RABGAP1L: variants seen among roughly 807,000 people sequenced by gnomAD.
RABGAP1L encodes RAB GTPase activating protein 1 like.
In RABGAP1L, 63 loss-of-function variants were observed where a neutral mutation model predicts 137.7. That is an observed-to-expected ratio of 0.46 (90% CI 0.37 to 0.56). The LOEUF is 0.56. Ranked by LOEUF, RABGAP1L falls within the 20% of genes least tolerant of loss-of-function variation. The pLI, the probability that RABGAP1L is intolerant of heterozygous loss-of-function variation, is 0.00. For missense variants in RABGAP1L, 1,095 were observed against 1,244.0 expected (o/e 0.88, Z 1.80); for synonymous variants, 431 against 433.7 (o/e 0.99, Z 0.08).
At chr1:174,729,692 T>G (rs1682297867) in intron 17 of RABGAP1L, among the ~76,000 whole-genome samples, 1 of 152,112 alleles carries the variant, frequency 6.6e-6, no homozygotes. Context: ...AAAGAAGACA[T>G]ACAAGCAGCC....
intron 19 of RABGAP1L, among the ~76,000 whole-genome samples, chr1:174,946,112 C>T (rs918648621): frequency 6.6e-6 from 1 of 151,374 alleles, no homozygotes; most frequent in African/African-American, 2.4e-5. Context: ...TTTTTAATCT[C>T]CTACGTTATG....
chr1:174,623,666 AT>A (rs1405788299), intron 13 of RABGAP1L, among the ~76,000 whole-genome samples: 1 of 152,098 alleles, frequency 6.6e-6, no homozygotes. Context: ...TGTTGCCCAG[AT>A]TTTTTGTTGA....
chr1:174,859,608 C>A (rs372190130), intron 19 of RABGAP1L, among the ~76,000 whole-genome samples: 69 of 152,148 alleles, frequency 4.5e-4, no homozygotes, highest in Middle Eastern at 3.4e-3. Context: ...AAACTAACAC[C>A]GAATACTGTG....
chr1:174,239,205 G>T (rs1390355798), intron 4 of RABGAP1L, among the ~76,000 whole-genome samples: 1 of 152,184 alleles, frequency 6.6e-6, no homozygotes, highest in African/African-American at 2.4e-5. Flanking sequence ...ACCTCAGATG[G>T]AAATGCAGAA....
At chr1:174,591,091 C>T (rs1326068336) in intron 13 of RABGAP1L, among the ~76,000 whole-genome samples, 1 of 74,840 alleles carries the variant, frequency 1.3e-5, no homozygotes, top group East Asian at 3.6e-4. Flanking sequence ...TTGCATTTCT[C>T]TCATGGCCAG....
At chr1:174,284,484 A>G (rs1355254648) in intron 10 of RABGAP1L, among the ~76,000 whole-genome samples, 1 of 152,198 alleles carries the variant, frequency 6.6e-6, no homozygotes, top group Non-Finnish European at 1.5e-5. Context: ...ATATTCATTC[A>G]TTCATTGACA....
At chr1:174,255,170 CT>C (rs1673018515) in intron 7 of RABGAP1L, among the ~76,000 whole-genome samples, 1 of 151,842 alleles carries the variant, frequency 6.6e-6, no homozygotes, top group Non-Finnish European at 1.5e-5. Context: ...TAGTTGTCAC[CT>C]TTTTTTCATG....
chr1:174,248,626 A>G (rs1242388873), intron 5 of RABGAP1L, among the ~76,000 whole-genome samples: 2 of 152,170 alleles, frequency 1.3e-5, no homozygotes, highest in Non-Finnish European at 2.9e-5. Context: ...ATGGGTATAA[A>G]TGTGGCATTC....
chr1:174,469,059 T>C (rs753888686), intron 13 of RABGAP1L, among the ~76,000 whole-genome samples: 1 of 152,186 alleles, frequency 6.6e-6, no homozygotes, highest in Non-Finnish European at 1.5e-5. Flanking sequence ...AGAACGTTTA[T>C]ATTTGTGTTA....
intron 1 of RABGAP1L, among the ~76,000 whole-genome samples, chr1:174,162,787 T>G (rs1664599302): frequency 7.2e-6 from 1 of 139,198 alleles, no homozygotes; most frequent in African/African-American, 2.7e-5. Flanking sequence ...GTTTTTTTTT[T>G]TTTTTTTTTT....
intron 11 of RABGAP1L, among the ~76,000 whole-genome samples, chr1:174,306,080 C>T (rs1466802445): frequency 2.0e-5 from 3 of 152,294 alleles, no homozygotes; most frequent in South Asian, 4.1e-4. Context: ...CATGTCCCTA[C>T]AAAGGACATG....
chr1:174,492,650 T>C (rs1201602547), intron 13 of RABGAP1L, among the ~76,000 whole-genome samples: 1 of 152,008 alleles, frequency 6.6e-6, no homozygotes, highest in Non-Finnish European at 1.5e-5. Context: ...GTGCCTGGTC[T>C]ACTTTTAATT....
intron 14 of RABGAP1L, among the ~76,000 whole-genome samples, chr1:174,638,234 A>G (rs1435260780): frequency 1.3e-5 from 2 of 152,244 alleles, no homozygotes; most frequent in Admixed American, 1.3e-4. Context: ...GCTAATTTGT[A>G]AGTTAGGTAA....
At chr1:174,543,957 G>A (rs981094944) in intron 13 of RABGAP1L, among the ~76,000 whole-genome samples, 1 of 152,230 alleles carries the variant, frequency 6.6e-6, no homozygotes, top group Non-Finnish European at 1.5e-5. Context: ...TTTCTGCCGA[G>A]AGATCCGCTG....
intron 12 of RABGAP1L, among the ~76,000 whole-genome samples, chr1:174,375,542 TAC>T (rs1408756876): frequency 3.9e-5 from 6 of 152,092 alleles, no homozygotes; most frequent in Non-Finnish European, 5.9e-5. Context: ...TACAAATCAC[TAC>T]AGACATTACA....
At chr1:174,911,664 C>T (rs545853706) in intron 19 of RABGAP1L, among the ~76,000 whole-genome samples, 3 of 152,260 alleles carry the variant, frequency 2.0e-5, no homozygotes, top group African/African-American at 7.2e-5. Context: ...TTAAAGCTCC[C>T]TTGCTGAACC....
intron 17 of RABGAP1L, among the ~76,000 whole-genome samples, chr1:174,717,459 T>C (rs1293220749): frequency 6.6e-6 from 1 of 152,138 alleles, no homozygotes; most frequent in East Asian, 1.9e-4. Context: ...AAATATCCAA[T>C]AGTACTGATT....
intron 19 of RABGAP1L, among the ~76,000 whole-genome samples, chr1:174,945,095 CT>C (rs1236240995): frequency 6.6e-6 from 1 of 152,188 alleles, no homozygotes; most frequent in African/African-American, 2.4e-5. Flanking sequence ...TTTCTCTCCT[CT>C]CTTATTGTCT....
intron 14 of RABGAP1L, among the ~76,000 whole-genome samples, chr1:174,659,191 AT>A (rs1445224383): frequency 1.4e-5 from 2 of 146,326 alleles, no homozygotes; most frequent in Non-Finnish European, 3.0e-5. Context: ...GGTGGTTTCT[AT>A]TTTTACCTGT....
Sources: gnomAD v4.1 joint callset for allele counts (sites outside exome capture counted in the v4.1 genomes callset) on GRCh38, gnomAD v4.1.1 for gene constraint, MANE v1.5 for transcripts, NCBI Gene and HGNC (gene_info 2026-07-23, HGNC 2026-07-21) for gene names.